Variants in MDGA1 observed in about 807,000 individuals in gnomAD.
The protein encoded by MDGA1 is MAM domain containing glycosylphosphatidylinositol anchor 1.
In MDGA1, 54 loss-of-function variants were observed where a neutral mutation model predicts 101.5. The ratio of observed to expected loss-of-function variants is 0.53; its 90% CI spans 0.43 to 0.67. The LOEUF (loss-of-function observed/expected upper bound fraction) is 0.67, where lower values mean the gene tolerates loss of function less well. Ranked by LOEUF, MDGA1 falls within the 30% of genes least tolerant of loss-of-function variation. The probability of loss-of-function intolerance (pLI) is 0.00; values close to 1 mark genes in which losing one functional copy is unlikely to be tolerated. For missense variants in MDGA1, 1,083 were observed against 1,323.8 expected (o/e 0.82, Z 2.82); for synonymous variants, 533 against 558.3 (o/e 0.95, Z 0.64).
chr6:37,659,990 TCCTA>T (rs776614842), intron 2 of MDGA1, among the ~76,000 whole-genome samples: 5 of 151,988 alleles, frequency 3.3e-5, no homozygotes, highest in Non-Finnish European at 7.4e-5. Context: ...ATCTGAGAGT[TCCTA>T]CCTTTTTTCA....
At chr6:37,662,183 G>A (rs1761640581) in intron 2 of MDGA1, among the ~76,000 whole-genome samples, 2 of 148,806 alleles carry the variant, frequency 1.3e-5, no homozygotes, top group Admixed American at 1.3e-4. Context: ...AAAAATAGAT[G>A]GGAGGAGGGG....
chr6:37,660,585 T>C (rs760558485), intron 2 of MDGA1, among the ~76,000 whole-genome samples: 1 of 152,210 alleles, frequency 6.6e-6, no homozygotes, highest in Non-Finnish European at 1.5e-5. Flanking sequence ...CTAGGATTTC[T>C]GTTTGCTAAT....
chr6:37,638,522 G>A lies in MDGA1; in HGVS notation c.2667+15C>T. 1 of 1,613,554 alleles carries A rather than the reference G, an allele frequency of 6.2e-7. No homozygotes were observed. Among genetic ancestry groups the A allele is most frequent in the East Asian group, 2.2e-5 (1 of 44,766 alleles). On this transcript the variant is annotated intron_variant, in intron 15 of 16. Transcript: ENST00000434837. This position sits in a 1 kb window ranked among gnomAD's most constrained non-coding sequence, Gnocchi z 4.8. The stretch of plus-strand genomic sequence containing the variant: ...ACCGAAGCCGGGGAGGGTCCTCTGG[G>A]CCCTACGGACTCACCTGGAAGGGCC...
At chr6:37,679,551 T>C (rs1178458091) in intron 1 of MDGA1, among the ~76,000 whole-genome samples, 1 of 152,164 alleles carries the variant, frequency 6.6e-6, no homozygotes, top group Non-Finnish European at 1.5e-5. Flanking sequence ...GTCTCAGTCT[T>C]GTTCCCTCTC....
intron 2 of MDGA1, 126 bp from the exon 3 acceptor site, chr6:37,658,545 G>T (rs560432906): frequency 3.0e-6 from 3 of 985,932 alleles, no homozygotes; most frequent in East Asian, 5.1e-5. Context: ...TGGGGCACAC[G>T]CAGGCCTAGG....
At chr6:37,683,251 T>C (rs59744433) in intron 1 of MDGA1, among the ~76,000 whole-genome samples, 15,301 of 152,224 alleles carry the variant, frequency 0.1, 811 homozygotes, top group Middle Eastern at 0.15. Flanking sequence ...ACTTGGATTC[T>C]GGCCACAAAA....
In MDGA1 at chr6:37,661,210, C is replaced by T. The variant is rs529929950; in HGVS notation, c.207+2757G>A. Among the ~76,000 whole-genome samples the T allele has an allele frequency of 3.3e-5, 5 of 152,300 alleles. No individual in the cohort carries two copies. The East Asian group carries it at 9.6e-4, about 29-fold the overall frequency. Reference sequence around the variant, plus strand: ...GGACCTGTAGCCTCAATGCATACCCCTTATGTGTGTGTTAATACAACTATC... The same window carrying T: ...GGACCTGTAGCCTCAATGCATACCCTTTATGTGTGTGTTAATACAACTATC... On this transcript the variant is annotated intron_variant, in intron 2 of 16. Transcript: ENST00000434837.
At chr6:37,674,865 G>A (rs1474652767) in intron 1 of MDGA1, among the ~76,000 whole-genome samples, 1 of 152,128 alleles carries the variant, frequency 6.6e-6, no homozygotes, top group Non-Finnish European at 1.5e-5. Context: ...AAACCAGCCT[G>A]GCCAACATGG....
rs377417532 is a variant in MDGA1 at position 37,643,946 on chromosome 6, G to A, written c.2402-3C>T. On this transcript the variant is annotated splice_region_variant and splice_polypyrimidine_tract_variant and intron_variant, in intron 13 of 16. Transcript: ENST00000434837. ...TGTCTCGATGAACATGTAGTAGCCT[G>A]CGGGGAATGGGGAGATGCGCCAACA... 1.2e-5 allele frequency: 20 copies of A among 1,613,444 alleles called. No homozygotes were observed. The highest frequency in any genetic ancestry group is 1.6e-5 in the Non-Finnish European group (19 of 1,179,728).
At chr6:37,642,179 CTTTTTT>C (rs34171567) in intron 14 of MDGA1, among the ~76,000 whole-genome samples, 2 of 109,346 alleles carry the variant, frequency 1.8e-5, no homozygotes, top group Non-Finnish European at 3.7e-5. Flanking sequence ...TGGTTTCTTT[CTTTTTT>C]TTTTTTTTTT....
At chr6:37,664,157 G>C in intron 1 of MDGA1, 51 bp from the exon 2 acceptor site, 1 of 1,609,728 alleles carries the variant, frequency 6.2e-7, no homozygotes, top group Non-Finnish European at 8.5e-7. Context: ...GCCAAGGCCA[G>C]AAGAAGTCTG....
chr6:37,644,833 C>A (rs1336968651), intron 12 of MDGA1, among the ~76,000 whole-genome samples, 184 bp from the exon 13 acceptor site: 1 of 152,214 alleles, frequency 6.6e-6, no homozygotes, highest in African/African-American at 2.4e-5. Context: ...ACTTCTTAAC[C>A]CTTTTTGTGC....
intron 1 of MDGA1, among the ~76,000 whole-genome samples, chr6:37,690,550 A>G (rs550330230): frequency 1.3e-5 from 2 of 152,260 alleles, no homozygotes; most frequent in South Asian, 2.1e-4. Flanking sequence ...AGGCTGAGGC[A>G]GGCAGATCAC....
rs371857380 is a variant in MDGA1, at chr6:37,643,796, C to T, written c.2536+13G>A. On this transcript the variant is annotated intron_variant, in intron 14 of 16. Transcript: ENST00000434837. ...CACACACTTGGTGGAGACTACCTGG[C>T]CCCCCAACTCACCGATGTGTTTCCC... is the stretch of plus-strand genomic sequence containing the variant. The T allele has an allele frequency of 6.5e-5, 105 of 1,613,460 alleles. No homozygotes were observed. In the South Asian group the frequency reaches 1.0e-3, roughly 16 times the overall value.
chr6:37,673,237 C>T (rs1237210083), intron 1 of MDGA1, among the ~76,000 whole-genome samples: 2 of 152,168 alleles, frequency 1.3e-5, no homozygotes, highest in Non-Finnish European at 2.9e-5. Context: ...CAGCTCAGCA[C>T]GGAGCCTCCA....
Position 37,650,121 on chromosome 6 carries a change from G to A in MDGA1, c.1597C>T (p.Leu533=), listed in dbSNP as rs1226046207. The change falls in exon 8 of 17, where the codon CTG becomes TTG. Residue 533 remains leucine, a synonymous_variant. Transcript: ENST00000434837. ...GTGGTGGACTCACACTGCACGTTCA[G>A]CTGCACCTGGGCCTCACGGGGGCGC... ...NVRPREAQVQ[L]NVQFPPEVEP... 1.2e-6 allele frequency: 2 copies of A among 1,607,390 alleles called. No homozygotes were observed. The highest frequency in any genetic ancestry group is 2.2e-5 in the South Asian group (2 of 90,854).
chr6:37,647,628 C>T (rs2114012948), intron 9 of MDGA1, among the ~76,000 whole-genome samples: 1 of 149,988 alleles, frequency 6.7e-6, no homozygotes, highest in Non-Finnish European at 1.5e-5. Flanking sequence ...TTTAGGAAGA[C>T]ACAGAAAAGG....
At position 37,652,479 on chromosome 6, in the gene MDGA1, C is replaced by T; in HGVS notation, c.983-139G>A. The T allele has an allele frequency of 1.6e-6, 1 of 619,088 alleles. No homozygotes were observed. Among genetic ancestry groups the T allele is most frequent in the Admixed American group, 3.0e-5 (1 of 33,522 alleles). 38.3% of individuals were successfully genotyped at this position (619,088 alleles called of 1,614,324 possible). A position where few individuals can be genotyped will look rare whatever the true frequency, so the allele number is the denominator to read the frequency against. Reference sequence around the variant, plus strand: ...GGGGCTACAACTCCCCCAGGTGAAACTATCACTTTTCTCTGCCTGGGAATT... The same window carrying T: ...GGGGCTACAACTCCCCCAGGTGAAATTATCACTTTTCTCTGCCTGGGAATT... On this transcript the variant is annotated intron_variant, in intron 6 of 16. Coordinates refer to ENST00000434837, the MANE Select transcript of MDGA1 (RefSeq NM_153487.4). This position sits in a 1 kb window ranked among gnomAD's most constrained non-coding sequence, Gnocchi z 4.3.
Position 37,654,887 on chromosome 6 carries a change from A to C in MDGA1, c.625T>G (p.Tyr209Asp), listed in dbSNP as rs1425749603. Residue 209 changes from tyrosine (Y) to aspartate (D), a missense_variant, in exon 5 of 17, where the codon TAT becomes GAT. Physicochemically the swap from Tyr to Asp is radical, Grantham distance 160. Transcript: ENST00000434837. ...GACACCTGGCAGGTGTAGCTGGCAT[A>C]GTCCTGGGGCCGCAGGTTCTTCAGC... The part of the protein sequence containing the change: ...LKLKNLRPQD[Y>D]ASYTCQVSVR... The C allele has an allele frequency of 6.2e-7, 1 of 1,613,728 alleles. No individual in the cohort carries two copies.
Sources: gnomAD v4.1 joint callset for allele counts (sites outside exome capture counted in the v4.1 genomes callset) on GRCh38, gnomAD v4.1.1 for gene constraint, Gnocchi (gnomAD v3.1) non-coding constraint, MANE v1.5 for transcripts, NCBI Gene and HGNC (gene_info 2026-07-23, HGNC 2026-07-21) for gene names.